The following CADM2 variants were observed in gnomAD, a reference collection of about 807,000 sequenced individuals.
CADM2 encodes the protein cell adhesion molecule 2.
CADM2 carries 12 observed loss-of-function variants against 49.8 expected under a neutral mutation model. The observed-to-expected ratio is 0.24, with a 90% confidence interval of 0.15 to 0.39. The LOEUF (loss-of-function observed/expected upper bound fraction) is 0.39, where lower values mean the gene tolerates loss of function less well. Ranked by LOEUF, CADM2 falls within the 10% of genes least tolerant of loss-of-function variation. CADM2 has a pLI of 1.00. For synonymous variants in CADM2, 214 were observed against 175.4 expected, an observed-to-expected ratio of 1.22 and a Z score of -1.74; for missense variants, 378 against 492.3, an observed-to-expected ratio of 0.77 and a Z score of 2.20.
At chr3:85,227,227 TA>T (rs1286746147) in intron 1 of CADM2, among the ~76,000 whole-genome samples, 3 of 152,152 alleles carry the variant, frequency 2.0e-5, no homozygotes, top group Admixed American at 1.3e-4. Flanking sequence ...AGTGGAGTGT[TA>T]AAATCTCCCA....
At position 85,754,131 on chromosome 3, in the gene CADM2, T is replaced by G. The variant is rs2068989203; in HGVS notation, c.88+27583T>G. Among the ~76,000 whole-genome samples the G allele has an allele frequency of 2.0e-5, 3 of 152,178 alleles. No individual in the cohort carries two copies. In the South Asian group the frequency reaches 6.2e-4, roughly 31 times the overall value. On this transcript the variant is annotated intron_variant, in intron 2 of 9. Transcript: ENST00000383699. The stretch of plus-strand genomic sequence containing the variant: ...TTGAGGTGTTCTTCCCTTGCCAGTC[T>G]AATGTTTCTAGAAGTCATATACCAG...
chr3:85,242,106 C>T (rs867214937), intron 1 of CADM2, among the ~76,000 whole-genome samples: 18 of 150,276 alleles, frequency 1.2e-4, no homozygotes, highest in Middle Eastern at 3.5e-3. Context: ...ATCAGAAGAG[C>T]CTATATATAA....
At chr3:85,087,326 T>G (rs184623950) in intron 1 of CADM2, among the ~76,000 whole-genome samples, 9 of 152,302 alleles carry the variant, frequency 5.9e-5, no homozygotes, top group African/African-American at 2.2e-4. Context: ...AGATTCTTTA[T>G]CTTTTCATCT....
rs560704536 is a variant in CADM2, at chr3:85,923,489, A to G, written c.700+10946A>G. Among the ~76,000 whole-genome samples, 6 of 151,082 alleles carry G rather than the reference A, an allele frequency of 4.0e-5. No homozygotes were observed. The South Asian group carries it at 1.3e-3, about 32-fold the overall frequency. On this transcript the variant is annotated intron_variant, in intron 6 of 9. Transcript: ENST00000383699. ...TTATTAATTTCCTTCTTTTGCCATT[A>G]TAGGCAGAAAATTAAAAATTCTGAG...
chr3:85,175,969 C>T (rs1384470121), intron 1 of CADM2, among the ~76,000 whole-genome samples: 1 of 139,794 alleles, frequency 7.2e-6, no homozygotes, highest in Non-Finnish European at 1.5e-5. Context: ...CGCTCTGTCG[C>T]CCAGGCTGGA....
At chr3:85,909,485 A>G (rs1279962446) in intron 5 of CADM2, among the ~76,000 whole-genome samples, 1 of 151,988 alleles carries the variant, frequency 6.6e-6, no homozygotes, top group Non-Finnish European at 1.5e-5. Context: ...AAAGAGAAAA[A>G]GATGGGAAGA....
At chr3:85,302,292 T>G (rs1251195883) in intron 1 of CADM2, among the ~76,000 whole-genome samples, 1 of 152,056 alleles carries the variant, frequency 6.6e-6, no homozygotes, top group Non-Finnish European at 1.5e-5. Context: ...TCAGCCTCTT[T>G]CCAGGATACA....
chr3:85,375,075 C>T (rs575420017), intron 1 of CADM2, among the ~76,000 whole-genome samples: 56 of 152,280 alleles, frequency 3.7e-4, no homozygotes, highest in African/African-American at 1.1e-3. Context: ...GTGTCAGTTA[C>T]AGATTGCTAA....
At chr3:85,460,863 C>T (rs1381439413) in intron 1 of CADM2, among the ~76,000 whole-genome samples, 1 of 151,878 alleles carries the variant, frequency 6.6e-6, no homozygotes, top group Non-Finnish European at 1.5e-5. Context: ...AAGCTCTCCT[C>T]TAGAGAAAAG....
chr3:86,043,382 T>C (rs1350326654), intron 8 of CADM2, among the ~76,000 whole-genome samples: 1 of 152,146 alleles, frequency 6.6e-6, no homozygotes, highest in Non-Finnish European at 1.5e-5. Flanking sequence ...TTCAGAAAAG[T>C]CTCAGGATAC....
chr3:85,273,386 T>C (rs1039754339), intron 1 of CADM2, among the ~76,000 whole-genome samples: 1 of 151,386 alleles, frequency 6.6e-6, no homozygotes, highest in Admixed American at 6.6e-5. Context: ...CTGTGTTGAG[T>C]AAAATCTTTA....
intron 1 of CADM2, among the ~76,000 whole-genome samples, chr3:85,616,620 A>C (rs539124036): frequency 6.6e-6 from 1 of 152,278 alleles, no homozygotes; most frequent in African/African-American, 2.4e-5. Context: ...ATGTGACCAA[A>C]ACCCAGTGGA....
chr3:85,133,900 G>T (rs9834699), intron 1 of CADM2, among the ~76,000 whole-genome samples: 1 of 151,830 alleles, frequency 6.6e-6, no homozygotes, highest in Non-Finnish European at 1.5e-5. Flanking sequence ...ACTGGGCGCC[G>T]TGGAGCAGGG....
chr3:85,541,308 G>A (rs1034057419), intron 1 of CADM2, among the ~76,000 whole-genome samples: 2 of 151,314 alleles, frequency 1.3e-5, no homozygotes, highest in Admixed American at 1.3e-4. Flanking sequence ...ACACACGTCT[G>A]TACACAAACA....
intron 7 of CADM2, among the ~76,000 whole-genome samples, chr3:85,949,281 G>T (rs1723107600): frequency 6.6e-6 from 1 of 151,184 alleles, no homozygotes; most frequent in African/African-American, 2.4e-5. Context: ...ATAAGAGAAA[G>T]CAAGCTATTA....
At chr3:86,062,561 T>C (rs944213060) in intron 8 of CADM2, among the ~76,000 whole-genome samples, 3 of 151,954 alleles carry the variant, frequency 2.0e-5, no homozygotes, top group Admixed American at 2.0e-4. Flanking sequence ...GTGGATTTCT[T>C]GAGGTCGGGA....
At chr3:85,293,849 A>C (rs1019624728) in intron 1 of CADM2, among the ~76,000 whole-genome samples, 27 of 149,952 alleles carry the variant, frequency 1.8e-4, no homozygotes, top group African/African-American at 6.6e-4. Context: ...ATGGGCAAAA[A>C]CTGGAAGCAT....
intron 1 of CADM2, among the ~76,000 whole-genome samples, chr3:85,430,620 G>A (rs1423916489): frequency 2.0e-5 from 3 of 150,844 alleles, no homozygotes; most frequent in Non-Finnish European, 4.4e-5. Flanking sequence ...GGCGGTGGGG[G>A]GGAGTAAAAG....
At chr3:85,752,471 T>TAC (rs2068905883) in intron 2 of CADM2, among the ~76,000 whole-genome samples, 2 of 83,690 alleles carry the variant, frequency 2.4e-5, no homozygotes, top group Admixed American at 2.6e-4. Flanking sequence ...TATGTGTGCG[T>TAC]GCACACACAC....
Sources: allele counts gnomAD v4.1 joint callset (sites outside exome capture counted in the v4.1 genomes callset), GRCh38; gene constraint gnomAD v4.1.1; transcripts MANE v1.5; gene names NCBI Gene and HGNC (gene_info 2026-07-23, HGNC 2026-07-21).